Variants in ASB11 observed in about 807,000 individuals in gnomAD.
ASB11 encodes ankyrin repeat and SOCS box containing 11, also known as ankyrin repeat and SOCS box protein 11.
ASB11 carries 17 observed loss-of-function variants against 20.1 expected under a neutral mutation model. The observed-to-expected ratio is 0.85, with a 90% CI of 0.58 to 1.27. The LOEUF is 1.27. ASB11 is among the 50% of genes most tolerant of loss of function. ASB11 has a pLI of 0.00. For synonymous variants in ASB11, 107 were observed against 105.6 expected, an observed-to-expected ratio of 1.01 and a Z score of -0.08; for missense variants, 259 against 256.9, an observed-to-expected ratio of 1.01 and a Z score of -0.06.
At chrX:15,284,198 G>A (rs1408920470) in intron 6 of ASB11, among the ~76,000 whole-genome samples, 1 of 102,699 alleles carries the variant, frequency 9.7e-6, no homozygotes, top group Admixed American at 1.1e-4. Flanking sequence ...CTTGCAGTGA[G>A]CCGAGATCGG....
chrX:15,284,925 G>C (rs1316482504), intron 6 of ASB11, among the ~76,000 whole-genome samples: 2 of 111,374 alleles, frequency 1.8e-5, no homozygotes, highest in African/African-American at 3.3e-5. Flanking sequence ...GTTAACATTT[G>C]GCTTCACATT....
intron 1 of ASB11, among the ~76,000 whole-genome samples, chrX:15,309,430 C>T (rs1167890654): frequency 9.1e-6 from 1 of 109,302 alleles, no homozygotes; most frequent in Non-Finnish European, 1.9e-5. Context: ...GGAAAACAAG[C>T]TCAGGGCTCC....
chrX:15,305,660 C>A (rs1921220399), intron 1 of ASB11, among the ~76,000 whole-genome samples: 1 of 110,715 alleles, frequency 9.0e-6, no homozygotes, highest in African/African-American at 3.3e-5. Context: ...TGATCCCATA[C>A]TCCTGATATG....
chrX:15,305,096 G>C (rs1362973852), intron 1 of ASB11, among the ~76,000 whole-genome samples: 1 of 111,384 alleles, frequency 9.0e-6, no homozygotes, highest in Non-Finnish European at 1.9e-5. Context: ...GCAAAATAAT[G>C]ACTAACTAGA....
intron 1 of ASB11, among the ~76,000 whole-genome samples, chrX:15,311,230 A>C (rs1921422076): frequency 8.9e-6 from 1 of 112,534 alleles, no homozygotes; most frequent in African/African-American, 3.2e-5. Context: ...TAGAGAGGAG[A>C]TGAGACACAG....
At chrX:15,285,998 T>G (rs1421290297) in intron 6 of ASB11, among the ~76,000 whole-genome samples, 1 of 109,509 alleles carries the variant, frequency 9.1e-6, no homozygotes, top group East Asian at 2.9e-4. Flanking sequence ...AGAGCAAAAC[T>G]CCGTCTAAAA....
chrX:15,315,127 A>G (rs1464385648), intron 1 of ASB11, among the ~76,000 whole-genome samples: 3 of 112,200 alleles, frequency 2.7e-5, no homozygotes, highest in Non-Finnish European at 1.9e-5. Flanking sequence ...ATAATTATAT[A>G]CAAGTAATTA....
Position 15,307,624 on chromosome X carries a change from T to C in ASB11, c.182-4817A>G, listed in dbSNP as rs778328303. ...CAGTTCCTAACAGGCCATGGACTGGTACTGGTCTGTGGCCTGGGGGTTGGA... is the reference window on the plus strand; with the variant it reads ...CAGTTCCTAACAGGCCATGGACTGGCACTGGTCTGTGGCCTGGGGGTTGGA... On this transcript the variant is annotated intron_variant, in intron 1 of 6. Coordinates refer to ENST00000480796, the MANE Select transcript of ASB11 (RefSeq NM_080873.3). 3.6e-5 allele frequency among the ~76,000 whole-genome samples: 4 copies of C among 111,883 alleles called. No homozygotes were observed. In the South Asian group the frequency reaches 1.5e-3, roughly 42 times the overall value.
chrX:15,298,508 G>A (rs1920989676), intron 2 of ASB11, among the ~76,000 whole-genome samples: 1 of 111,437 alleles, frequency 9.0e-6, no homozygotes, highest in African/African-American at 3.3e-5. Flanking sequence ...GCATGTCTTA[G>A]AGGAAATGGA....
intron 3 of ASB11, among the ~76,000 whole-genome samples, chrX:15,295,320 C>T (rs1485208629): frequency 1.8e-5 from 2 of 111,855 alleles, no homozygotes; most frequent in African/African-American, 6.5e-5. Context: ...GGATTACAGG[C>T]GTGAGCCACT....
At chrX:15,289,887 G>C in intron 4 of ASB11, 1 of 249,074 alleles carries the variant, frequency 4.0e-6, no homozygotes, top group Non-Finnish European at 7.3e-6. Context: ...AGCTGGGCAT[G>C]GTGGCACACA....
At chrX:15,310,716 G>A (rs933155213) in intron 1 of ASB11, among the ~76,000 whole-genome samples, 3 of 112,469 alleles carry the variant, frequency 2.7e-5, no homozygotes, top group Non-Finnish European at 5.6e-5. Flanking sequence ...AGCCGGGCGC[G>A]GTGGCTTATG....
chrX:15,315,378 A>G, intron 1 of ASB11, 47 bp downstream of exon 1: 1 of 976,645 alleles, frequency 1.0e-6, no homozygotes, highest in Non-Finnish European at 1.3e-6. Flanking sequence ...TGAATTATCT[A>G]GGAGGGATTT....
intron 1 of ASB11, among the ~76,000 whole-genome samples, chrX:15,314,905 G>C (rs1280671647): frequency 9.0e-6 from 1 of 111,368 alleles, no homozygotes; most frequent in Non-Finnish European, 1.9e-5. Context: ...TGCTTTGCAT[G>C]CTACCATATA....
At chrX:15,308,927 T>C (rs1363609617) in intron 1 of ASB11, among the ~76,000 whole-genome samples, 1 of 110,870 alleles carries the variant, frequency 9.0e-6, no homozygotes. Context: ...TCTGTATTTT[T>C]CTTTTTTGAG....
Position 15,282,179 on chromosome X carries a change from G to T in ASB11, c.*1326C>A, listed in dbSNP as rs1158032082. 1 of 110,871 alleles carries T rather than the reference G, an allele frequency of 9.0e-6. No homozygotes were observed. The highest frequency in any genetic ancestry group is 1.9e-5 in the Non-Finnish European group (1 of 52,944). The allele number at this position is 110,871 out of a possible 1,213,427, so 9.1% of individuals were successfully genotyped here. A position where few individuals can be genotyped will look rare whatever the true frequency, so the allele number is the denominator to read the frequency against. ...AATTGTCTCCAGTTGAGAGCCAAAG[G>T]TCTAGAAAAATTGGGGGAAAAAAAA... On this transcript the variant is annotated 3_prime_UTR_variant, in exon 7 of 7. Coordinates refer to ENST00000480796, the MANE Select transcript of ASB11 (RefSeq NM_080873.3).
intron 1 of ASB11, among the ~76,000 whole-genome samples, chrX:15,306,703 AAACAACAACAAC>A (rs767262827): frequency 2.7e-5 from 3 of 109,601 alleles, no homozygotes; most frequent in Non-Finnish European, 5.7e-5. Context: ...ACTTTGTCTC[AAACAACAACAAC>A]AACAACAACA....
At chrX:15,288,205 T>C (rs1165689581) in intron 5 of ASB11, 133 bp from the exon 6 acceptor site, 25 of 683,128 alleles carry the variant, frequency 3.7e-5, no homozygotes, top group Non-Finnish European at 5.0e-5. Flanking sequence ...AATATGCAAC[T>C]CAAGCCTAGA....
chrX:15,297,308 A>ACAAAG (rs1323356669), intron 3 of ASB11, among the ~76,000 whole-genome samples: 1 of 110,917 alleles, frequency 9.0e-6, no homozygotes, highest in African/African-American at 3.3e-5. Context: ...ACAAAACAAA[A>ACAAAG]CAAAAAAAAA....
Sources: allele counts gnomAD v4.1 joint callset (sites outside exome capture counted in the v4.1 genomes callset), GRCh38; gene constraint gnomAD v4.1.1; transcripts MANE v1.5; gene names NCBI Gene and HGNC (gene_info 2026-07-23, HGNC 2026-07-21).